Variants in RFX2 observed in about 807,000 individuals in gnomAD.
The protein encoded by RFX2 is DNA-binding protein RFX2.
Under a neutral mutation model 87.8 loss-of-function variants are expected in RFX2, and 20 were observed. That is an observed-to-expected ratio of 0.23 (90% CI 0.16 to 0.33). The LOEUF (loss-of-function observed/expected upper bound fraction) is 0.33. Among genes scored for constraint, RFX2 ranks in the 10% least tolerant of loss-of-function variants. The pLI is 1.00. For synonymous variants in RFX2, 397 were observed against 431.3 expected (o/e 0.92, Z 0.98); for missense variants, 767 against 1,012.3 (o/e 0.76, Z 3.29).
chr19:6,054,509 A>G (rs1443143066), intron 1 of RFX2, among the ~76,000 whole-genome samples: 1 of 152,200 alleles, frequency 6.6e-6, no homozygotes, highest in Non-Finnish European at 1.5e-5. Flanking sequence ...AAATTCAACA[A>G]TATATAAATA....
rs1467499978 is a variant in RFX2, at chr19:6,011,165, A to AAATAC, written c.900-915_900-914insGTATT. ...AAATAAAATAAAATAAAATAAAATA[A>AAATAC]AAGGGAGATTCTTTGCGTGAATCAC... On this transcript the variant is annotated intron_variant, in intron 8 of 17. Coordinates refer to ENST00000303657, the MANE Select transcript of RFX2 (RefSeq NM_000635.4). This position sits in a 1 kb window ranked among gnomAD's most constrained non-coding sequence, Gnocchi z 4.8. Among the ~76,000 whole-genome samples, 9 of 152,108 alleles carry AAATAC rather than the reference A, an allele frequency of 5.9e-5. No individual in the cohort carries two copies. The highest frequency in any genetic ancestry group is 2.2e-4 in the African/African-American group (9 of 41,404).
chr19:6,072,816 C>T (rs1407508475), intron 1 of RFX2: 3 of 1,191,570 alleles, frequency 2.5e-6, no homozygotes, highest in East Asian at 2.5e-5. Context: ...GTCTCCTCCT[C>T]AGCATCATGG....
chr19:5,994,828 G>C lies in RFX2; in HGVS notation c.*7C>G, dbSNP rs761241488. The C allele has an allele frequency of 6.3e-7, 1 of 1,591,786 alleles. No homozygotes were observed. The highest frequency in any genetic ancestry group is 1.1e-5 in the South Asian group (1 of 90,656). ...TTGGAACCTCGAGGAGGCGCCGGCC[G>C]GGGCTGCTAGATGCCCTGCAGGGAG... On this transcript the variant is annotated 3_prime_UTR_variant, in exon 18 of 18. Coordinates refer to ENST00000303657, the MANE Select transcript of RFX2 (RefSeq NM_000635.4).
At chr19:6,080,328 A>C (rs2087761566) in intron 1 of RFX2, among the ~76,000 whole-genome samples, 1 of 151,828 alleles carries the variant, frequency 6.6e-6, no homozygotes, top group Non-Finnish European at 1.5e-5. Context: ...GCTTCAAGCA[A>C]TCCTCCCACT....
rs749935995 is a variant in RFX2 at position 6,007,013 on chromosome 19, G to A, written c.1401C>T (p.Pro467=). 5 of 1,613,982 alleles carry A rather than the reference G, an allele frequency of 3.1e-6. No individual in the cohort carries two copies. In the East Asian group the frequency reaches 6.7e-5, roughly 22 times the overall value. ...ILIPDVLRPV[P]STLTQAIRNF... ...CGGGCGGGGCCGTGGGTCACTTACT[G>A]GGGACCGGCCTCAGCACGTCGGGGA... is the stretch of plus-strand genomic sequence containing the variant. The change falls in exon 12 of 18, where the codon CCC becomes CCT. Residue 467 remains proline, a splice_region_variant and synonymous_variant. Transcript: ENST00000303657. The surrounding 1 kb of genome is among the most constrained non-coding windows in gnomAD (Gnocchi z 8.2).
In RFX2 at chr19:5,997,078, C is replaced by A; in HGVS notation, c.1995G>T (p.Pro665=). Residue 665 remains proline (P), a synonymous_variant, in exon 16 of 18, where the codon CCG becomes CCT. Transcript: ENST00000303657. The surrounding 1 kb of genome is among the most constrained non-coding windows in gnomAD (Gnocchi z 4.2). Reference sequence around the variant, plus strand: ...TCCTCACCTCTCCCATCACAGCGATCGGCGTCTCTCCGGTGGCCTCCGCGA... The same window carrying A: ...TCCTCACCTCTCCCATCACAGCGATAGGCGTCTCTCCGGTGGCCTCCGCGA... ...HRVAEATGET[P]IAVMGEFNDL... is the part of the protein sequence containing the mutation. The A allele has an allele frequency of 1.9e-6, 3 of 1,612,024 alleles. No individual in the cohort carries two copies. The highest frequency in any genetic ancestry group is 2.5e-6 in the Non-Finnish European group (3 of 1,179,782).
chr19:6,094,125 C>T lies in RFX2; in HGVS notation c.-9+16268G>A, dbSNP rs1231196105. On this transcript the variant is annotated intron_variant, in intron 1 of 17. Coordinates refer to ENST00000303657, the MANE Select transcript of RFX2 (RefSeq NM_000635.4). ...CCAATGCAAAAAACACTAAAGAATT[C>T]GTATGTATGTTTTACAGGCCTGTGA... 2.6e-5 allele frequency among the ~76,000 whole-genome samples: 4 copies of T among 152,084 alleles called. No individual in the cohort carries two copies. The South Asian group carries it at 6.2e-4, about 24-fold the overall frequency.
Position 6,047,496 on chromosome 19 carries a change from TG to T in RFX2, c.-1del. 6.2e-7 allele frequency: 1 copy of T among 1,607,570 alleles called. No individual in the cohort carries two copies. Among genetic ancestry groups the T allele is most frequent in the African/African-American group, 1.3e-5 (1 of 74,948 alleles). On this transcript the variant is annotated 5_prime_UTR_variant, in exon 2 of 18. Coordinates refer to ENST00000303657, the MANE Select transcript of RFX2 (RefSeq NM_000635.4). The surrounding 1 kb of genome is among the most constrained non-coding windows in gnomAD (Gnocchi z 4.2). Reference sequence around the variant, plus strand: ...TCCGCTCCACCCTCGGAATTCTGCATGCTCAGGTCTAAAGAAAGGCGGAGAG... The same window carrying T: ...TCCGCTCCACCCTCGGAATTCTGCATCTCAGGTCTAAAGAAAGGCGGAGAG...
At chr19:6,029,396 A>G (rs1349070755) in intron 5 of RFX2, among the ~76,000 whole-genome samples, 4 of 152,076 alleles carry the variant, frequency 2.6e-5, no homozygotes, top group Non-Finnish European at 4.4e-5. Context: ...AAAGGAAATC[A>G]TGTACAAAGC....
chr19:6,108,457 T>C (rs1167576505), intron 1 of RFX2, among the ~76,000 whole-genome samples: 2 of 152,166 alleles, frequency 1.3e-5, no homozygotes, highest in African/African-American at 4.8e-5. Flanking sequence ...GTCAACAATA[T>C]GTACAGGCAA....
At chr19:6,048,282 T>A (rs1364141121) in intron 1 of RFX2, among the ~76,000 whole-genome samples, 2 of 152,240 alleles carry the variant, frequency 1.3e-5, no homozygotes, top group Non-Finnish European at 2.9e-5. Context: ...CAAGAAAGTA[T>A]AAACATATAT....
intron 1 of RFX2, among the ~76,000 whole-genome samples, chr19:6,072,563 G>A (rs2087622774): frequency 1.3e-5 from 2 of 152,152 alleles, no homozygotes; most frequent in African/African-American, 2.4e-5. Flanking sequence ...AAAATTATTC[G>A]GGTAAGGTGG....
intron 1 of RFX2, among the ~76,000 whole-genome samples, chr19:6,062,430 G>A (rs2087448904): frequency 6.6e-6 from 1 of 152,194 alleles, no homozygotes; most frequent in Non-Finnish European, 1.5e-5. Flanking sequence ...AAAGCAGGAA[G>A]AGGCAGGCTA....
intron 1 of RFX2, among the ~76,000 whole-genome samples, chr19:6,095,199 A>G (rs8108378): frequency 0.08 from 12,185 of 152,278 alleles, 524 homozygotes; most frequent in Middle Eastern, 0.11. Context: ...ATGTTTCTTT[A>G]TTGGCCGGTA....
intron 6 of RFX2, among the ~76,000 whole-genome samples, chr19:6,019,633 A>T (rs1170087810): frequency 1.4e-5 from 2 of 145,328 alleles, no homozygotes; most frequent in African/African-American, 5.2e-5. Flanking sequence ...TCCTGTCACC[A>T]CCCCAGGCTG....
At chr19:6,032,279 GT>G (rs1391535532) in intron 5 of RFX2, among the ~76,000 whole-genome samples, 1 of 151,906 alleles carries the variant, frequency 6.6e-6, no homozygotes. Context: ...GTGCCACCCC[GT>G]CCAGCTAATT....
At chr19:6,003,468 A>G (rs2144675549) in intron 13 of RFX2, among the ~76,000 whole-genome samples, 1 of 152,054 alleles carries the variant, frequency 6.6e-6, no homozygotes, top group South Asian at 2.1e-4. Context: ...CCTCTCACCC[A>G]AGAGCCCTTC....
chr19:6,076,128 T>C (rs2087688806), intron 1 of RFX2, among the ~76,000 whole-genome samples: 1 of 152,030 alleles, frequency 6.6e-6, no homozygotes, highest in Non-Finnish European at 1.5e-5. Context: ...TCACTTGAGG[T>C]CATGAGTTCG....
At position 6,110,457 on chromosome 19, in the gene RFX2, G is replaced by T; in HGVS notation, c.-73C>A. 1 of 153,590 alleles carries T rather than the reference G, an allele frequency of 6.5e-6. No homozygotes were observed. Among genetic ancestry groups the T allele is most frequent in the South Asian group, 1.8e-4 (1 of 5,594 alleles). 9.5% of individuals were successfully genotyped at this position (153,590 alleles called of 1,614,324 possible). A position where few individuals can be genotyped will look rare whatever the true frequency, so the allele number is the denominator to read the frequency against. On this transcript the variant is annotated 5_prime_UTR_variant, in exon 1 of 18. Transcript: ENST00000303657. The surrounding 1 kb of genome is among the most constrained non-coding windows in gnomAD (Gnocchi z 4.3). ...GCGGCGGCAGCGGCTGCTGCGTGTT[G>T]GTCCCCGTTGGTAAGTAACAGTCTC...
Sources: gnomAD v4.1 joint callset for allele counts (sites outside exome capture counted in the v4.1 genomes callset) on GRCh38, gnomAD v4.1.1 for gene constraint, Gnocchi (gnomAD v3.1) non-coding constraint, MANE v1.5 for transcripts, NCBI Gene and HGNC (gene_info 2026-07-23, HGNC 2026-07-21) for gene names.